The following CALD1 variants were observed in gnomAD, a reference collection of about 807,000 sequenced individuals.
CALD1 encodes caldesmon.
In CALD1, 33 loss-of-function variants were observed where a neutral mutation model predicts 99.9. The ratio of observed to expected loss-of-function variants is 0.33; its 90% CI spans 0.25 to 0.44. The LOEUF (loss-of-function observed/expected upper bound fraction) is 0.44. Ranked by LOEUF, CALD1 falls within the 20% of genes least tolerant of loss-of-function variation. CALD1 has a pLI of 1.00. For missense variants in CALD1, 861 were observed against 962.1 expected (o/e 0.89, Z 1.39); for synonymous variants, 310 against 325.0 (o/e 0.95, Z 0.50).
intron 1 of CALD1, among the ~76,000 whole-genome samples, chr7:134,814,866 T>C (rs10268569): frequency 0.044 from 6,729 of 152,234 alleles, 481 homozygotes; most frequent in African/African-American, 0.15. Context: ...TGAGTGTCCT[T>C]GGATAAATGC....
chr7:134,872,436 T>C (rs921325587), intron 3 of CALD1, among the ~76,000 whole-genome samples: 2 of 151,828 alleles, frequency 1.3e-5, no homozygotes, highest in Non-Finnish European at 2.9e-5. Context: ...CATTACCTCG[T>C]CCTTCCTTGT....
chr7:134,749,577 C>T (rs1014187574), intron 1 of CALD1, among the ~76,000 whole-genome samples: 1 of 152,176 alleles, frequency 6.6e-6, no homozygotes, highest in African/African-American at 2.4e-5. Context: ...CGCGCCATTA[C>T]ACTCCAGCCT....
chr7:134,907,768 A>C, intron 3 of CALD1, among the ~76,000 whole-genome samples: 1 of 151,628 alleles, frequency 6.6e-6, no homozygotes, highest in East Asian at 1.9e-4. Flanking sequence ...CCGCCTTTTC[A>C]TTTTTGATGA....
intron 3 of CALD1, among the ~76,000 whole-genome samples, chr7:134,880,719 C>T (rs138739450): frequency 1.3e-5 from 2 of 151,990 alleles, no homozygotes; most frequent in Admixed American, 6.6e-5. Context: ...TAAGGGGCCT[C>T]GCGCAAAAGT....
intron 1 of CALD1, among the ~76,000 whole-genome samples, chr7:134,803,411 T>A (rs112307614): frequency 1.7e-4 from 26 of 152,222 alleles, no homozygotes; most frequent in South Asian, 8.3e-4. Flanking sequence ...TCTTTAAAAT[T>A]TTATGGCTAG....
At chr7:134,753,023 C>CAAAAAAAAAAAAAAAAAAAAAA (rs1190864560) in intron 1 of CALD1, among the ~76,000 whole-genome samples, 1 of 48,624 alleles carries the variant, frequency 2.1e-5, no homozygotes. Flanking sequence ...AAAAAAAAAA[C>CAAAAAAAAAAAAAAAAAAAAAA]AAAAAAAAAC....
intron 8 of CALD1, among the ~76,000 whole-genome samples, chr7:134,949,939 A>G (rs1252186592): frequency 2.0e-5 from 3 of 152,086 alleles, no homozygotes; most frequent in African/African-American, 7.2e-5. Context: ...AAGGTCTCAT[A>G]ATGTTTTAAG....
chr7:134,905,489 G>C (rs778057291), intron 3 of CALD1, among the ~76,000 whole-genome samples: 1 of 151,994 alleles, frequency 6.6e-6, no homozygotes, highest in Non-Finnish European at 1.5e-5. Context: ...CTGGTTTTTG[G>C]CTCCAGGCTG....
At chr7:134,897,496 G>A (rs1021079720) in intron 3 of CALD1, among the ~76,000 whole-genome samples, 5 of 151,570 alleles carry the variant, frequency 3.3e-5, no homozygotes, top group Admixed American at 6.6e-5. Context: ...ATTTTAAAAC[G>A]CTGGTCATCC....
At position 134,839,271 on chromosome 7, in the gene CALD1, G is replaced by C. The variant is rs148254957; in HGVS notation, c.-129-4613G>C. Among the ~76,000 whole-genome samples the C allele has an allele frequency of 3.7e-3, 570 of 152,286 alleles. 3 individuals carry two copies. The highest frequency in any genetic ancestry group is 0.012 in the African/African-American group (512 of 41,556). Reference sequence around the variant, plus strand: ...TTAGATCATTCTAATTGCTATATAGGGTTTCATTGTTTGCCTCCCACAATT... The same window carrying C: ...TTAGATCATTCTAATTGCTATATAGCGTTTCATTGTTTGCCTCCCACAATT... On this transcript the variant is annotated intron_variant, in intron 1 of 14. Transcript: ENST00000361675.
At chr7:134,960,363 G>A (rs1343877404) in intron 12 of CALD1, 170 bp from the exon 13 acceptor site, 8 of 648,786 alleles carry the variant, frequency 1.2e-5, no homozygotes, top group Non-Finnish European at 2.2e-5. Flanking sequence ...TTGGAGTGGG[G>A]TGAGTTACCA....
chr7:134,866,024 T>C (rs1800786948), intron 2 of CALD1, among the ~76,000 whole-genome samples: 1 of 152,158 alleles, frequency 6.6e-6, no homozygotes, highest in East Asian at 1.9e-4. Flanking sequence ...AAAGACCACA[T>C]GGAAGGAAGA....
chr7:134,925,722 C>T (rs1804955498), intron 3 of CALD1, among the ~76,000 whole-genome samples: 1 of 152,214 alleles, frequency 6.6e-6, no homozygotes, highest in South Asian at 2.1e-4. Flanking sequence ...ATTCCTTCCT[C>T]AACACCTGAC....
intron 3 of CALD1, among the ~76,000 whole-genome samples, chr7:134,873,597 G>A (rs1422914555): frequency 1.3e-5 from 2 of 152,176 alleles, no homozygotes; most frequent in African/African-American, 4.8e-5. Context: ...GAACATTTTT[G>A]CTCTATATGA....
chr7:134,833,994 A>G (rs1287576051), intron 1 of CALD1, among the ~76,000 whole-genome samples: 1 of 152,270 alleles, frequency 6.6e-6, no homozygotes, highest in African/African-American at 2.4e-5. Flanking sequence ...AAAGATGCCT[A>G]GAATCCAGTT....
At chr7:134,842,610 A>C (rs1799695215) in intron 1 of CALD1, among the ~76,000 whole-genome samples, 1 of 152,224 alleles carries the variant, frequency 6.6e-6, no homozygotes. Flanking sequence ...AGGATCCCTA[A>C]TTTAACCTTT....
At chr7:134,913,902 T>C (rs1325004073) in intron 3 of CALD1, among the ~76,000 whole-genome samples, 2 of 152,202 alleles carry the variant, frequency 1.3e-5, no homozygotes, top group African/African-American at 4.8e-5. Context: ...AAGCTCTTTG[T>C]TAGTCTCCAG....
At chr7:134,962,744 A>G in intron 13 of CALD1, 1 of 447,610 alleles carries the variant, frequency 2.2e-6, no homozygotes, top group South Asian at 1.6e-5. Flanking sequence ...GTCTAAACTA[A>G]TGTTACACAG....
chr7:134,944,244 C>T (rs1029627721), intron 7 of CALD1, among the ~76,000 whole-genome samples: 2 of 152,096 alleles, frequency 1.3e-5, no homozygotes, highest in Non-Finnish European at 2.9e-5. Flanking sequence ...TGAGCCTAGA[C>T]CAATAGTTCT....
Sources: allele counts gnomAD v4.1 joint callset (sites outside exome capture counted in the v4.1 genomes callset), GRCh38; gene constraint gnomAD v4.1.1; transcripts MANE v1.5; gene names NCBI Gene and HGNC (gene_info 2026-07-23, HGNC 2026-07-21).